Variants in ASPRV1 observed in about 807,000 individuals in gnomAD.
The protein encoded by ASPRV1 is retroviral-like aspartic protease 1.
ASPRV1 carries 7 observed loss-of-function variants against 11.0 expected under a neutral mutation model. That is an observed-to-expected ratio of 0.64 (90% CI 0.36 to 1.20). The LOEUF (loss-of-function observed/expected upper bound fraction) is 1.20, where lower values mean the gene tolerates loss of function less well. ASPRV1 is among the 50% of genes most tolerant of loss of function. ASPRV1 has a pLI of 0.02. For missense variants in ASPRV1, 299 were observed against 320.0 expected, an observed-to-expected ratio of 0.93 and a Z score of 0.50; for synonymous variants, 136 against 138.4, an observed-to-expected ratio of 0.98 and a Z score of 0.12.
the ASPRV1 span, among the ~76,000 whole-genome samples, chr2:70,009,204 G>T: frequency 6.6e-6 from 1 of 152,132 alleles, no homozygotes; most frequent in Non-Finnish European, 1.5e-5. Flanking sequence ...TTTAGGATGG[G>T]GGAAGGGGTG....
At chr2:70,060,638 C>A in the ASPRV1 span, among the ~76,000 whole-genome samples, 1 of 151,858 alleles carries the variant, frequency 6.6e-6, no homozygotes, top group South Asian at 2.1e-4. Context: ...CACGGTGAAA[C>A]CCCGTCTCTA....
At chr2:69,965,076 C>G (rs1678290286), upstream of ASPRV1, among the ~76,000 whole-genome samples, 1 of 152,190 alleles carries the variant, frequency 6.6e-6, no homozygotes, top group Non-Finnish European at 1.5e-5. Context: ...GAGATGGAGT[C>G]TCACTCTGTC....
At chr2:70,003,603 G>C in the ASPRV1 span, among the ~76,000 whole-genome samples, 4 of 152,328 alleles carry the variant, frequency 2.6e-5, no homozygotes, top group South Asian at 8.3e-4. Flanking sequence ...ACAGCTACTG[G>C]CCACAGAACA....
At chr2:70,011,027 T>G in the ASPRV1 span, among the ~76,000 whole-genome samples, 6 of 152,178 alleles carry the variant, frequency 3.9e-5, no homozygotes, top group Admixed American at 3.3e-4. Flanking sequence ...AACTACCACA[T>G]GTTCTCACTT....
At chr2:70,087,244 A>G in the ASPRV1 span, 1 of 152,200 alleles carries the variant, frequency 6.6e-6, no homozygotes, top group Non-Finnish European at 1.5e-5. Flanking sequence ...TAGAGTTAAT[A>G]AAATACGTCA....
chr2:70,062,826 T>C, the ASPRV1 span, among the ~76,000 whole-genome samples: 2 of 152,150 alleles, frequency 1.3e-5, no homozygotes, highest in South Asian at 2.1e-4. Context: ...GAATGAATTA[T>C]GGAATTTGAA....
the ASPRV1 span, among the ~76,000 whole-genome samples, chr2:69,986,163 T>C: frequency 6.6e-6 from 1 of 152,162 alleles, no homozygotes; most frequent in African/African-American, 2.4e-5. Context: ...CATGAACAAG[T>C]AAGCAAGGCG....
In ASPRV1 at chr2:69,960,510, C is replaced by A. The variant is rs1678044345; in HGVS notation, c.*147G>T. ...TCCCCTACCAGGGGCAGATTAAGGC[C>A]CCTGCAGAGGGAGGCAAAGGGGAGA... is the stretch of plus-strand genomic sequence containing the variant. On this transcript the variant is annotated 3_prime_UTR_variant, in exon 1 of 1. Coordinates refer to ENST00000320256, the MANE Select transcript of ASPRV1 (RefSeq NM_152792.4). The A allele has an allele frequency of 8.3e-6, 7 of 845,644 alleles. No individual in the cohort carries two copies. Among genetic ancestry groups the A allele is most frequent in the African/African-American group, 1.7e-5 (1 of 58,524 alleles). The allele number at this position is 845,644 out of a possible 1,614,324, so 52.4% of individuals were successfully genotyped here.
At chr2:70,022,309 C>T in the ASPRV1 span, among the ~76,000 whole-genome samples, 1 of 149,188 alleles carries the variant, frequency 6.7e-6, no homozygotes, top group African/African-American at 2.5e-5. Flanking sequence ...GCCACCATGC[C>T]AGGCCTAATA....
the ASPRV1 span, among the ~76,000 whole-genome samples, chr2:69,948,223 G>A: frequency 2.6e-5 from 4 of 152,254 alleles, no homozygotes; most frequent in East Asian, 1.9e-4. Flanking sequence ...ACTCCAGCCC[G>A]GGCCACAGAG....
At chr2:69,985,564 GC>G in the ASPRV1 span, among the ~76,000 whole-genome samples, 1 of 152,164 alleles carries the variant, frequency 6.6e-6, no homozygotes, top group Non-Finnish European at 1.5e-5. Flanking sequence ...CCATCCATTG[GC>G]CAACCCATCA....
chr2:70,054,434 G>A, the ASPRV1 span, among the ~76,000 whole-genome samples: 3 of 151,022 alleles, frequency 2.0e-5, no homozygotes, highest in African/African-American at 7.3e-5. Context: ...AAAAAAATTA[G>A]CCCGGCGCGG....
At chr2:70,004,532 A>T in the ASPRV1 span, among the ~76,000 whole-genome samples, 1 of 147,532 alleles carries the variant, frequency 6.8e-6, no homozygotes, top group African/African-American at 2.6e-5. Context: ...CCATCTCAAA[A>T]AAAAAAAAAA....
the ASPRV1 span, among the ~76,000 whole-genome samples, chr2:69,971,943 T>A: frequency 6.6e-6 from 1 of 152,168 alleles, no homozygotes; most frequent in African/African-American, 2.4e-5. Flanking sequence ...CCTCCTAGGA[T>A]TGTCCTGGGA....
At chr2:70,018,547 A>G in the ASPRV1 span, among the ~76,000 whole-genome samples, 1 of 152,304 alleles carries the variant, frequency 6.6e-6, no homozygotes, top group African/African-American at 2.4e-5. Context: ...GTAGTAACCA[A>G]AACAGCATGG....
chr2:70,076,054 ATAAC>A, the ASPRV1 span, among the ~76,000 whole-genome samples: 2 of 152,108 alleles, frequency 1.3e-5, no homozygotes, highest in East Asian at 3.8e-4. Flanking sequence ...GGAGAAGAAT[ATAAC>A]TAACCTATCA....
At chr2:69,996,972 T>C in the ASPRV1 span, 1 of 260,692 alleles carries the variant, frequency 3.8e-6, no homozygotes, top group African/African-American at 2.2e-5. Flanking sequence ...TCAGCAGGGG[T>C]TATTGCATGA....
At chr2:70,007,031 C>T in the ASPRV1 span, among the ~76,000 whole-genome samples, 1 of 152,162 alleles carries the variant, frequency 6.6e-6, no homozygotes, top group African/African-American at 2.4e-5. Context: ...TTGTGACATA[C>T]AGGCAGTAAA....
chr2:70,060,091 C>G, the ASPRV1 span: 1 of 152,124 alleles, frequency 6.6e-6, no homozygotes, highest in South Asian at 2.1e-4. Context: ...CCTGTAATCC[C>G]AGCACTTTGA....
Sources: allele counts gnomAD v4.1 joint callset (sites outside exome capture counted in the v4.1 genomes callset), GRCh38; gene constraint gnomAD v4.1.1; transcripts MANE v1.5; gene names NCBI Gene and HGNC (gene_info 2026-07-23, HGNC 2026-07-21).